PWWP2A: variants seen among roughly 807,000 people sequenced by gnomAD.
PWWP2A encodes the protein PWWP domain-containing protein 2A.
In PWWP2A, 18 loss-of-function variants were observed where a neutral mutation model predicts 48.5. The ratio of observed to expected loss-of-function variants is 0.37; its 90% confidence interval spans 0.26 to 0.55. The LOEUF (loss-of-function observed/expected upper bound fraction) is 0.55. Ranked by LOEUF, PWWP2A falls within the 20% of genes least tolerant of loss-of-function variation. The probability of loss-of-function intolerance (pLI) is 0.81; values close to 1 mark genes in which losing one functional copy is unlikely to be tolerated. For missense variants in PWWP2A, 867 were observed against 976.4 expected (o/e 0.89, Z 1.49); for synonymous variants, 396 against 387.7 (o/e 1.02, Z -0.25).
At chr5:160,113,303 C>T (rs1409833159) in intron 1 of PWWP2A, 11 of 981,278 alleles carry the variant, frequency 1.1e-5, no homozygotes, top group Non-Finnish European at 1.3e-5. Context: ...AAAATGTGTT[C>T]TCCAACCAAA....
intron 1 of PWWP2A, among the ~76,000 whole-genome samples, chr5:160,105,249 A>G (rs1756753515): frequency 6.7e-6 from 1 of 149,150 alleles, no homozygotes; most frequent in Non-Finnish European, 1.5e-5. Context: ...CAAAAAAAAA[A>G]AAAAAAAAAA....
chr5:160,119,277 C>A lies in PWWP2A; in HGVS notation c.112G>T (p.Asp38Tyr). 1 of 1,382,948 alleles carries A rather than the reference C, an allele frequency of 7.2e-7. No homozygotes were observed. The highest frequency in any genetic ancestry group is 9.3e-7 in the Non-Finnish European group (1 of 1,076,250). The allele number at this position is 1,382,948 out of a possible 1,614,324, so 85.7% of individuals were successfully genotyped here. ...EPIPGSEAGT[D>Y]PLPVTATEAS... Reference sequence around the variant, plus strand: ...TCAGTGGCCGTGACCGGGAGGGGGTCAGTGCCGGCCTCACTGCCGGGGATG... The same window carrying A: ...TCAGTGGCCGTGACCGGGAGGGGGTAAGTGCCGGCCTCACTGCCGGGGATG... Residue 38 changes from aspartate (D) to tyrosine (Y), a missense_variant, in exon 1 of 2, where the codon GAC (aspartate) becomes TAC (tyrosine). By Grantham distance (160) the Asp-to-Tyr change is radical. Around this residue, in one of 4 missense-constraint regions of PWWP2A, gnomAD observed 385 missense variants for 396.9 expected, o/e 0.97. Coordinates refer to ENST00000307063, the MANE Select transcript of PWWP2A (RefSeq NM_001130864.2).
At chr5:160,098,373 A>G (rs1755907998) in intron 1 of PWWP2A, among the ~76,000 whole-genome samples, 1 of 152,216 alleles carries the variant, frequency 6.6e-6, no homozygotes, top group South Asian at 2.1e-4. Context: ...CAAAATAATA[A>G]TAAAACATCC....
chr5:160,112,834 CTAA>C (rs1216671242), intron 1 of PWWP2A, among the ~76,000 whole-genome samples: 2 of 152,130 alleles, frequency 1.3e-5, no homozygotes, highest in Non-Finnish European at 2.9e-5. Flanking sequence ...AGGCACAGTG[CTAA>C]TAGGAGAGGC....
rs750196124 is a variant in PWWP2A, at chr5:160,119,008, G to C, written c.381C>G (p.Pro127=). 3 of 1,598,410 alleles carry C rather than the reference G, an allele frequency of 1.9e-6. No homozygotes were observed. The highest frequency in any genetic ancestry group is 2.7e-5 in the African/African-American group (2 of 73,352). ...GCAGCGGCGGCTCCTCGCGCTCCTCGGGAGCCGGGGGCTGCTCCGGCGGCG... is the reference window on the plus strand; with the variant it reads ...GCAGCGGCGGCTCCTCGCGCTCCTCCGGAGCCGGGGGCTGCTCCGGCGGCG... ...PASPPEQPPA[P]EEREEPPLPQ... The change falls in exon 1 of 2, where the codon CCC becomes CCG. Residue 127 remains proline, a synonymous_variant. Coordinates refer to ENST00000307063, the MANE Select transcript of PWWP2A (RefSeq NM_001130864.2).
intron 1 of PWWP2A, among the ~76,000 whole-genome samples, chr5:160,114,545 C>T (rs571555303): frequency 4.0e-4 from 61 of 151,998 alleles, no homozygotes; most frequent in Non-Finnish European, 7.5e-4. Context: ...GGCGGATCAC[C>T]TGAGGTCAGG....
At chr5:160,062,712 G>T (rs548004463) in intron 5 of PWWP2A, among the ~76,000 whole-genome samples, 16 of 152,280 alleles carry the variant, frequency 1.1e-4, no homozygotes, top group African/African-American at 3.6e-4. Flanking sequence ...AGTCTGATGT[G>T]AGTGGCTCTT....
chr5:160,065,018 G>C (rs368082206), intron 4 of PWWP2A: 1 of 1,613,698 alleles, frequency 6.2e-7, no homozygotes, highest in African/African-American at 1.3e-5. Flanking sequence ...TTCCTCTACC[G>C]GCTCGTACTC....
the PWWP2A span, among the ~76,000 whole-genome samples, chr5:160,048,967 T>A: frequency 1.3e-5 from 2 of 151,434 alleles, no homozygotes; most frequent in African/African-American, 4.9e-5. Flanking sequence ...AAAAATTCTC[T>A]CTCACTCTTT....
At position 160,094,019 on chromosome 5, in the gene PWWP2A, A is replaced by G. The variant is rs1267787418; in HGVS notation, c.631T>C (p.Tyr211His). ...GGCATGGCTTCTGGTTTATCCTTAT[A>G]TTCCCTTTTGGGAAATACTGTCACA... ...IPVTVFPKRE[Y>H]KDKPEAMPLQ... Residue 211 changes from tyrosine to histidine, a missense_variant, in exon 2 of 2, where the codon TAT (tyrosine) becomes CAT (histidine). Physicochemically the swap from Tyr to His is moderately conservative, Grantham distance 83. This residue lies in a region of PWWP2A where 385 missense variants were observed against 396.9 expected (regional missense o/e 0.97). Coordinates refer to ENST00000307063, the MANE Select transcript of PWWP2A (RefSeq NM_001130864.2). The G allele has an allele frequency of 8.1e-6, 13 of 1,613,870 alleles. No individual in the cohort carries two copies. The highest frequency in any genetic ancestry group is 1.1e-5 in the Non-Finnish European group (13 of 1,179,794).
In PWWP2A at chr5:160,082,566, C is replaced by G. The variant is rs186081802; in HGVS notation, c.1550-1796G>C. Among the ~76,000 whole-genome samples the G allele has an allele frequency of 1.6e-3, 237 of 152,282 alleles. 3 individuals carry two copies. The highest frequency in any genetic ancestry group is 5.5e-3 in the African/African-American group (229 of 41,562). ...TTAAGCAAGGAGAGTCAAGATGTAT[C>G]AAAGAATGATCTCATGTTTCCCTGT... is the stretch of plus-strand genomic sequence containing the variant. On this transcript the variant is annotated intron_variant, in intron 2 of 3. Coordinates refer to the PWWP2A transcript ENST00000456329.
chr5:160,055,709 A>G, the PWWP2A span, among the ~76,000 whole-genome samples: 1 of 152,238 alleles, frequency 6.6e-6, no homozygotes, highest in African/African-American at 2.4e-5. Flanking sequence ...GAGACGGAGT[A>G]TAGAGGCAGC....
At chr5:160,090,957 ACTAGCC>A, downstream of PWWP2A, 1 of 985,298 alleles carries the variant, frequency 1.0e-6, no homozygotes, top group South Asian at 4.7e-5. Flanking sequence ...AAGCTAAGTT[ACTAGCC>A]CCAAAAGCAG....
chr5:160,108,546 G>A (rs1161788873), intron 1 of PWWP2A: 3 of 1,281,110 alleles, frequency 2.3e-6, no homozygotes, highest in South Asian at 2.5e-5. Context: ...ACTACTCACT[G>A]CTTCACCAGA....
chr5:160,082,391 C>A (rs1436636254), intron 2 of PWWP2A, among the ~76,000 whole-genome samples: 1 of 151,328 alleles, frequency 6.6e-6, no homozygotes, highest in Non-Finnish European at 1.5e-5. Context: ...TTGCAGTGAG[C>A]CGAGATCGCG....
chr5:160,111,856 G>A (rs1052644434), intron 1 of PWWP2A, among the ~76,000 whole-genome samples: 2 of 152,060 alleles, frequency 1.3e-5, no homozygotes, highest in Admixed American at 6.5e-5. Flanking sequence ...TAAGAGAGCT[G>A]GGTATAAAAC....
chr5:160,075,401 G>A (rs1316346118), downstream of PWWP2A, among the ~76,000 whole-genome samples: 1 of 152,126 alleles, frequency 6.6e-6, no homozygotes, highest in Non-Finnish European at 1.5e-5. Context: ...TCAGTCCTGT[G>A]AACTGTCTGT....
downstream of PWWP2A, among the ~76,000 whole-genome samples, chr5:160,072,862 G>A (rs916947158): frequency 6.6e-6 from 1 of 152,010 alleles, no homozygotes; most frequent in African/African-American, 2.4e-5. Flanking sequence ...AAATTAGCCA[G>A]GCATGATGGC....
At chr5:160,117,339 CT>C (rs1160057759) in intron 1 of PWWP2A, among the ~76,000 whole-genome samples, 3 of 151,912 alleles carry the variant, frequency 2.0e-5, no homozygotes, top group African/African-American at 7.3e-5. Context: ...TGCAAATGCC[CT>C]AATCCAAAAT....
Sources: gnomAD v4.1 joint callset for allele counts (sites outside exome capture counted in the v4.1 genomes callset) on GRCh38, gnomAD v4.1.1 for gene constraint, gnomAD v4.1.1 regional missense constraint, MANE v1.5 for transcripts, NCBI Gene and HGNC (gene_info 2026-07-23, HGNC 2026-07-21) for gene names.